The following OPHN1 variants were observed in gnomAD, a reference collection of about 807,000 sequenced individuals.
The protein encoded by OPHN1 is oligophrenin 1.
OPHN1 carries 11 observed loss-of-function variants against 60.7 expected under a neutral mutation model. That is an observed-to-expected ratio of 0.18 (90% CI 0.11 to 0.30). The LOEUF (loss-of-function observed/expected upper bound fraction) is 0.30, where lower values mean the gene tolerates loss of function less well. Among genes scored for constraint, OPHN1 ranks in the 10% least tolerant of loss-of-function variants. The probability of loss-of-function intolerance (pLI) is 1.00; values close to 1 mark genes in which losing one functional copy is unlikely to be tolerated. For synonymous variants in OPHN1, 226 were observed against 222.6 expected, an observed-to-expected ratio of 1.02 and a Z score of -0.14; for missense variants, 449 against 611.0, an observed-to-expected ratio of 0.73 and a Z score of 2.80.
At chrX:68,052,388 G>T in intron 23 of OPHN1, 152 bp downstream of exon 23, 1 of 540,038 alleles carries the variant, frequency 1.9e-6, no homozygotes, top group Admixed American at 2.7e-5. Context: ...GATAGGGATG[G>T]AGAGACAGAA....
At chrX:68,308,703 T>C (rs1157909089) in intron 2 of OPHN1, among the ~76,000 whole-genome samples, 3 of 112,459 alleles carry the variant, frequency 2.7e-5, no homozygotes. Context: ...TTAACTAGAC[T>C]GATATGAACT....
intron 5 of OPHN1, among the ~76,000 whole-genome samples, chrX:68,251,333 G>A (rs1038834352): frequency 1.9e-5 from 2 of 107,490 alleles, no homozygotes; most frequent in Admixed American, 1.0e-4. Context: ...TTACAGGCAC[G>A]CACCACCACA....
intron 6 of OPHN1, among the ~76,000 whole-genome samples, chrX:68,218,806 T>C (rs1178682395): frequency 1.1e-5 from 1 of 91,085 alleles, no homozygotes; most frequent in Non-Finnish European, 2.2e-5. Flanking sequence ...GAACAACCGG[T>C]ACCAGCCGCT....
intron 21 of OPHN1, among the ~76,000 whole-genome samples, chrX:68,055,967 C>T (rs904488035): frequency 1.4e-4 from 16 of 110,390 alleles, no homozygotes; most frequent in Non-Finnish European, 1.3e-4. Context: ...GTGGGAGGAG[C>T]GGGGAGGGAT....
At position 68,190,004 on chromosome X, in the gene OPHN1, G is replaced by A. The variant is rs77266357; in HGVS notation, c.1276+2915C>T. Among the ~76,000 whole-genome samples the A allele has an allele frequency of 1.2e-3, 137 of 110,190 alleles. 4 individuals are homozygous for A. The East Asian group carries it at 0.037, about 30-fold the overall frequency. ...AAGAAAAAAAAAAAGAGGGAGAGAT[G>A]TTACGTAACCAAAAGGCAATGGATG... On this transcript the variant is annotated intron_variant, in intron 15 of 24. Coordinates refer to ENST00000355520, the MANE Select transcript of OPHN1 (RefSeq NM_002547.3).
At chrX:68,362,523 C>T (rs1165924092) in intron 2 of OPHN1, among the ~76,000 whole-genome samples, 2 of 111,264 alleles carry the variant, frequency 1.8e-5, no homozygotes, top group African/African-American at 6.5e-5. Context: ...ATATTCTCAC[C>T]ATAAAATAAG....
intron 15 of OPHN1, among the ~76,000 whole-genome samples, chrX:68,131,390 A>G (rs753750590): frequency 1.4e-4 from 15 of 109,142 alleles, no homozygotes; most frequent in Non-Finnish European, 2.7e-4. Context: ...TAATTTTTGT[A>G]TTTTTAGTGG....
intron 2 of OPHN1, among the ~76,000 whole-genome samples, chrX:68,335,074 A>T (rs778526539): frequency 1.6e-4 from 18 of 109,617 alleles, no homozygotes; most frequent in South Asian, 4.0e-4. Context: ...GTGTGTGCCT[A>T]CATGCTTCGC....
At chrX:68,346,742 A>G (rs1488064232) in intron 2 of OPHN1, among the ~76,000 whole-genome samples, 1 of 111,964 alleles carries the variant, frequency 8.9e-6, no homozygotes, top group Non-Finnish European at 1.9e-5. Flanking sequence ...CCCAGGACAG[A>G]CCTCTTTCCA....
At chrX:68,269,538 T>G (rs1165855018) in intron 5 of OPHN1, among the ~76,000 whole-genome samples, 1 of 111,664 alleles carries the variant, frequency 9.0e-6, no homozygotes, top group Non-Finnish European at 1.9e-5. Context: ...TAGCCATATG[T>G]AGAAAGCTGA....
At chrX:68,207,296 C>G (rs1322479828) in intron 9 of OPHN1, among the ~76,000 whole-genome samples, 3 of 108,324 alleles carry the variant, frequency 2.8e-5, no homozygotes, top group African/African-American at 1.0e-4. Flanking sequence ...GCCCGGCTAA[C>G]TTTTTGTATT....
At chrX:68,431,602 A>G (rs868532716) in intron 2 of OPHN1, among the ~76,000 whole-genome samples, 1 of 58,544 alleles carries the variant, frequency 1.7e-5, no homozygotes, top group African/African-American at 5.8e-5. Context: ...TTTTTTTTGT[A>G]TTTTTAGTAG....
In OPHN1 at chrX:68,075,094, A is replaced by G. The variant is rs1004398761; in HGVS notation, c.1687-1795T>C. Among the ~76,000 whole-genome samples, 4 of 112,622 alleles carry G rather than the reference A, an allele frequency of 3.6e-5. No homozygotes were observed. The East Asian group carries it at 1.1e-3, about 31-fold the overall frequency. On this transcript the variant is annotated intron_variant, in intron 19 of 24. Transcript: ENST00000355520. ...AACAGTAGTTTTAAAGGCATTGGAAATCCAGCAGTGAAGGACAGTGAATGC... is the reference window on the plus strand; with the variant it reads ...AACAGTAGTTTTAAAGGCATTGGAAGTCCAGCAGTGAAGGACAGTGAATGC...
intron 5 of OPHN1, among the ~76,000 whole-genome samples, chrX:68,258,640 C>T (rs2077878323): frequency 9.1e-6 from 1 of 109,590 alleles, no homozygotes; most frequent in Non-Finnish European, 1.9e-5. Flanking sequence ...ATATGTGCCA[C>T]ATTATTTTTC....
chrX:68,170,602 A>G (rs1477839430), intron 15 of OPHN1, among the ~76,000 whole-genome samples: 3 of 110,731 alleles, frequency 2.7e-5, no homozygotes, highest in Non-Finnish European at 5.7e-5. Flanking sequence ...CTATGCAGCC[A>G]TAAAAAATGT....
intron 15 of OPHN1, among the ~76,000 whole-genome samples, chrX:68,146,834 A>G (rs1295252350): frequency 1.4e-5 from 1 of 73,835 alleles, no homozygotes; most frequent in East Asian, 7.0e-4. Context: ...CTGTGTGTGT[A>G]CACAAAGGCG....
intron 3 of OPHN1, among the ~76,000 whole-genome samples, chrX:68,283,415 C>T (rs1750141417): frequency 8.9e-6 from 1 of 111,943 alleles, no homozygotes; most frequent in Non-Finnish European, 1.9e-5. Flanking sequence ...AGGGAAGGGG[C>T]AAGAGGTTTG....
At chrX:68,166,559 C>T (rs2077359265) in intron 15 of OPHN1, among the ~76,000 whole-genome samples, 1 of 111,143 alleles carries the variant, frequency 9.0e-6, no homozygotes, top group African/African-American at 3.3e-5. Flanking sequence ...TAAAGAAGAA[C>T]TAAATGAGAA....
At chrX:68,057,186 T>C (rs2076876547) in intron 21 of OPHN1, among the ~76,000 whole-genome samples, 1 of 111,961 alleles carries the variant, frequency 8.9e-6, no homozygotes, top group Non-Finnish European at 1.9e-5. Context: ...TAGTGAAACA[T>C]TAGAAATATG....
Sources: gnomAD v4.1 joint callset for allele counts (sites outside exome capture counted in the v4.1 genomes callset) on GRCh38, gnomAD v4.1.1 for gene constraint, MANE v1.5 for transcripts, NCBI Gene and HGNC (gene_info 2026-07-23, HGNC 2026-07-21) for gene names.